The following LMO7 variants were observed in gnomAD, a reference collection of about 807,000 sequenced individuals.
The protein encoded by LMO7 is LIM domain only protein 7.
A neutral mutation model predicts 206.5 loss-of-function variants in LMO7; 120 were observed. The ratio of observed to expected loss-of-function variants is 0.58; its 90% CI spans 0.50 to 0.68. The LOEUF is 0.68. LMO7 is among the 30% of genes least tolerant of loss of function. The probability of loss-of-function intolerance (pLI) is 0.00; values close to 1 mark genes in which losing one functional copy is unlikely to be tolerated. For missense variants in LMO7, 1,959 were observed against 1,957.9 expected (o/e 1.00, Z -0.01); for synonymous variants, 706 against 681.5 (o/e 1.04, Z -0.56).
chr13:75,739,921 C>G (rs940468989), intron 3 of LMO7, among the ~76,000 whole-genome samples: 2 of 152,094 alleles, frequency 1.3e-5, no homozygotes, highest in African/African-American at 4.8e-5. Context: ...AAATTGAAAC[C>G]AAGAGATGAG....
intron 2 of LMO7, among the ~76,000 whole-genome samples, chr13:75,724,280 T>C (rs1594535786): frequency 6.6e-6 from 1 of 152,216 alleles, no homozygotes; most frequent in Admixed American, 6.5e-5. Context: ...AGAGCAAGCC[T>C]CTGCTGTACT....
At chr13:75,624,038 T>C (rs1453279401) in intron 2 of LMO7, among the ~76,000 whole-genome samples, 1 of 152,226 alleles carries the variant, frequency 6.6e-6, no homozygotes, top group Non-Finnish European at 1.5e-5. Flanking sequence ...CCATGGATTA[T>C]CAAGAGTGTA....
chr13:75,766,668 A>G (rs1023169991), intron 4 of LMO7, among the ~76,000 whole-genome samples: 7 of 151,878 alleles, frequency 4.6e-5, no homozygotes, highest in Middle Eastern at 3.4e-3. Flanking sequence ...TAATCAGGAA[A>G]CTCATCTAAT....
chr13:75,840,630 AT>A (rs2059492634), intron 22 of LMO7, 135 bp downstream of exon 22: 1 of 1,047,118 alleles, frequency 9.6e-7, no homozygotes, highest in Non-Finnish European at 1.4e-6. Context: ...CACACAGTAC[AT>A]TTTCCATAAA....
intron 15 of LMO7, among the ~76,000 whole-genome samples, chr13:75,828,064 C>T (rs143795273): frequency 6.6e-6 from 1 of 152,258 alleles, no homozygotes; most frequent in African/African-American, 2.4e-5. Context: ...GAATGCTGAC[C>T]AAATTTTCTT....
chr13:75,659,012 T>A (rs1183866965), intron 1 of LMO7, among the ~76,000 whole-genome samples: 1 of 150,586 alleles, frequency 6.6e-6, no homozygotes, highest in Non-Finnish European at 1.5e-5. Context: ...GATCAAATCA[T>A]CTCTAAATAA....
chr13:75,697,019 C>A (rs1382606007), intron 1 of LMO7, among the ~76,000 whole-genome samples: 1 of 152,106 alleles, frequency 6.6e-6, no homozygotes, highest in South Asian at 2.1e-4. Context: ...ATGGGCCAAA[C>A]AACACATGTG....
intron 4 of LMO7, among the ~76,000 whole-genome samples, chr13:75,790,366 T>C (rs761852207): frequency 6.6e-6 from 1 of 152,140 alleles, no homozygotes; most frequent in Non-Finnish European, 1.5e-5. Flanking sequence ...TTGTTCCCAT[T>C]TTACAGGTGA....
At chr13:75,718,839 C>T (rs1309907016) in intron 2 of LMO7, among the ~76,000 whole-genome samples, 4 of 152,210 alleles carry the variant, frequency 2.6e-5, no homozygotes, top group Non-Finnish European at 2.9e-5. Context: ...CCAATCTTTA[C>T]TGTCTTTATG....
In LMO7 at chr13:75,808,064, A is replaced by G. The variant is rs1326854076; in HGVS notation, c.1781A>G (p.Gln594Arg). The G allele has an allele frequency of 1.2e-6, 2 of 1,613,888 alleles. No homozygotes were observed. Among genetic ancestry groups the G allele is most frequent in the African/African-American group, 2.7e-5 (2 of 74,922 alleles). Residue 594 changes from glutamine (Q) to arginine (R), a missense_variant, in exon 10 of 31, where the codon CAG becomes CGG. By Grantham distance (43) the Gln-to-Arg change is conservative. Coordinates refer to ENST00000377534, the MANE Select transcript of LMO7 (RefSeq NM_001306080.2). ...KKDDMLTRKI[Q>R]SWKLGTTVPP... ...GATGACATGCTGACACGTAAGATTC[A>G]GTCCTGGAAACTGGGAACTACCGTG...
chr13:75,626,564 C>A (rs1344747244), intron 2 of LMO7, among the ~76,000 whole-genome samples: 2 of 93,406 alleles, frequency 2.1e-5, no homozygotes, highest in Admixed American at 2.1e-4. Context: ...TGTCTACCCT[C>A]TTAACATATA....
chr13:75,650,858 C>A (rs2037488089), intron 1 of LMO7, among the ~76,000 whole-genome samples: 1 of 151,970 alleles, frequency 6.6e-6, no homozygotes, highest in Non-Finnish European at 1.5e-5. Flanking sequence ...TAATTTAGGT[C>A]TTCTGCTGTA....
chr13:75,815,466 A>G (rs1029398942), intron 11 of LMO7, among the ~76,000 whole-genome samples: 33 of 152,178 alleles, frequency 2.2e-4, no homozygotes, highest in Admixed American at 2.2e-3. Context: ...TGATATAAGG[A>G]GAGTGAGAGC....
At chr13:75,733,642 G>A (rs4884016) in intron 3 of LMO7, among the ~76,000 whole-genome samples, 8 of 48,688 alleles carry the variant, frequency 1.6e-4, no homozygotes, top group South Asian at 1.1e-3. Context: ...ACTGTCCTGC[G>A]CCCACTGTCT....
intron 3 of LMO7, among the ~76,000 whole-genome samples, chr13:75,741,120 TC>T (rs1413722160): frequency 1.3e-5 from 2 of 152,220 alleles, no homozygotes; most frequent in East Asian, 3.8e-4. Flanking sequence ...AAATTGTGGT[TC>T]TTTATTAAAA....
chr13:75,748,164 C>T (rs1028906009), intron 3 of LMO7, among the ~76,000 whole-genome samples: 2 of 152,150 alleles, frequency 1.3e-5, no homozygotes, highest in Non-Finnish European at 2.9e-5. Flanking sequence ...GCAGAAGGAA[C>T]ATAGTCCCAA....
intron 1 of LMO7, among the ~76,000 whole-genome samples, chr13:75,656,053 C>T (rs958138546): frequency 2.0e-5 from 3 of 152,180 alleles, no homozygotes; most frequent in Non-Finnish European, 4.4e-5. Context: ...ACATCTCTAC[C>T]TCCTCTCATC....
intron 15 of LMO7, among the ~76,000 whole-genome samples, chr13:75,829,241 G>C (rs1408388085): frequency 1.3e-5 from 2 of 152,160 alleles, no homozygotes; most frequent in South Asian, 2.1e-4. Context: ...GGGAAAAAAG[G>C]CTGGAGAAAG....
intron 4 of LMO7, among the ~76,000 whole-genome samples, chr13:75,771,286 G>A (rs2049627314): frequency 6.6e-6 from 1 of 152,082 alleles, no homozygotes; most frequent in Non-Finnish European, 1.5e-5. Context: ...AAGAGATGTA[G>A]TACAAATGTG....
Sources: allele counts gnomAD v4.1 joint callset (sites outside exome capture counted in the v4.1 genomes callset), GRCh38; gene constraint gnomAD v4.1.1; transcripts MANE v1.5; gene names NCBI Gene and HGNC (gene_info 2026-07-23, HGNC 2026-07-21).